Variants in ATOSA observed in about 807,000 individuals in gnomAD.
ATOSA encodes the protein atos homolog protein A.
chr15:52,584,731 AT>A, the ATOSA span: 1 of 1,600,812 alleles, frequency 6.2e-7, no homozygotes, highest in Admixed American at 1.7e-5. Flanking sequence ...TTTCATATTA[AT>A]TTGAAGCATT....
the ATOSA span, chr15:52,609,251 C>T: frequency 6.2e-7 from 1 of 1,613,416 alleles, no homozygotes; most frequent in Non-Finnish European, 8.5e-7. Context: ...TTTTTCCCAT[C>T]ACTGATGTCT....
the ATOSA span, chr15:52,593,520 A>C: frequency 6.8e-7 from 1 of 1,472,284 alleles, no homozygotes; most frequent in Non-Finnish European, 9.1e-7. Flanking sequence ...AAAGCACTTA[A>C]ATTTGTCATT....
At chr15:52,611,719 G>C in the ATOSA span, 2 of 1,613,960 alleles carry the variant, frequency 1.2e-6, no homozygotes, top group Non-Finnish European at 1.7e-6. Context: ...CACCATGATT[G>C]GAAGGTTATT....
chr15:52,707,041 T>C, the ATOSA span, among the ~76,000 whole-genome samples: 2,228 of 152,278 alleles, frequency 0.015, 31 homozygotes, highest in African/African-American at 0.037. Flanking sequence ...TTGTATGGTG[T>C]GTGAAATATA....
the ATOSA span, among the ~76,000 whole-genome samples, chr15:52,674,780 T>C: frequency 6.6e-6 from 1 of 151,676 alleles, no homozygotes; most frequent in East Asian, 1.9e-4. Flanking sequence ...TATCTTGTAA[T>C]TGACCAATAT....
At chr15:52,708,382 G>T in the ATOSA span, among the ~76,000 whole-genome samples, 1 of 152,170 alleles carries the variant, frequency 6.6e-6, no homozygotes, top group African/African-American at 2.4e-5. Flanking sequence ...CTAAATGCTT[G>T]ATGGGATCAT....
At chr15:52,587,324 T>C in the ATOSA span, 2 of 967,534 alleles carry the variant, frequency 2.1e-6, no homozygotes, top group Non-Finnish European at 3.0e-6. Flanking sequence ...GAATTCTATT[T>C]CTATGGAAAA....
chr15:52,643,181 C>A, the ATOSA span, among the ~76,000 whole-genome samples: 1 of 152,198 alleles, frequency 6.6e-6, no homozygotes, highest in African/African-American at 2.4e-5. Flanking sequence ...GTGATTCATA[C>A]TTCATGCATT....
the ATOSA span, among the ~76,000 whole-genome samples, chr15:52,584,266 T>G: frequency 1.3e-5 from 2 of 151,352 alleles, no homozygotes; most frequent in African/African-American, 4.9e-5. Context: ...TGCCTCAGCT[T>G]GAGTAGCTGG....
the ATOSA span, among the ~76,000 whole-genome samples, chr15:52,676,870 A>G: frequency 6.6e-6 from 1 of 152,182 alleles, no homozygotes; most frequent in African/African-American, 2.4e-5. Flanking sequence ...CCATTTTTCC[A>G]AAGTGATTGA....
chr15:52,605,289 C>T, the ATOSA span: 10 of 1,337,466 alleles, frequency 7.5e-6, no homozygotes, highest in Admixed American at 6.7e-5. Context: ...TATTTAAATA[C>T]CATTTAAAGA....
the ATOSA span, chr15:52,581,334 AATAT>A: frequency 6.6e-6 from 1 of 152,232 alleles, no homozygotes; most frequent in Non-Finnish European, 1.5e-5. Context: ...GTTTTTTTTG[AATAT>A]ATTTACAATA....
At chr15:52,629,918 G>T in the ATOSA span, among the ~76,000 whole-genome samples, 5 of 152,056 alleles carry the variant, frequency 3.3e-5, no homozygotes, top group African/African-American at 1.2e-4. Context: ...AAATGAAGTA[G>T]AAACAATATA....
At chr15:52,609,457 A>G in the ATOSA span, 11 of 1,613,692 alleles carry the variant, frequency 6.8e-6, no homozygotes, top group South Asian at 1.2e-4. Context: ...AATCCTTGCA[A>G]TAACATCTTG....
At chr15:52,593,523 T>G in the ATOSA span, 1 of 1,468,234 alleles carries the variant, frequency 6.8e-7, no homozygotes, top group South Asian at 1.3e-5. Context: ...GCACTTAAAT[T>G]TGTCATTAAG....
the ATOSA span, chr15:52,656,417 G>A: frequency 6.6e-6 from 1 of 151,860 alleles, no homozygotes; most frequent in Admixed American, 6.6e-5. Context: ...ATTATAACAA[G>A]GTACAAATAA....
chr15:52,612,704 T>A, the ATOSA span, among the ~76,000 whole-genome samples: 1 of 151,618 alleles, frequency 6.6e-6, no homozygotes, highest in East Asian at 1.9e-4. Flanking sequence ...GAGGTTTCAC[T>A]GTGTTGGCCA....
At chr15:52,674,115 T>C in the ATOSA span, among the ~76,000 whole-genome samples, 3 of 152,244 alleles carry the variant, frequency 2.0e-5, no homozygotes, top group Non-Finnish European at 4.4e-5. Context: ...TAATCTTTCA[T>C]AGCAGTTTTG....
chr15:52,676,530 A>G, the ATOSA span, among the ~76,000 whole-genome samples: 68 of 152,280 alleles, frequency 4.5e-4, no homozygotes, highest in African/African-American at 1.6e-3. Context: ...AAAAAAAGCC[A>G]TGGGTCTAAA....
Sources: gnomAD v4.1 joint callset for allele counts (sites outside exome capture counted in the v4.1 genomes callset) on GRCh38, gnomAD v4.1.1 for gene constraint, MANE v1.5 for transcripts, NCBI Gene and HGNC (gene_info 2026-07-23, HGNC 2026-07-21) for gene names.